The following CSMD2 variants were observed in gnomAD, a reference collection of about 807,000 sequenced individuals.
The protein encoded by CSMD2 is CUB and Sushi multiple domains 2.
In CSMD2, 130 loss-of-function variants were observed where a neutral mutation model predicts 398.5. The observed-to-expected ratio is 0.33, with a 90% CI of 0.28 to 0.38. The LOEUF is 0.38. Among genes scored for constraint, CSMD2 ranks in the 10% least tolerant of loss-of-function variants. The probability of loss-of-function intolerance (pLI) is 1.00; values close to 1 mark genes in which losing one functional copy is unlikely to be tolerated. For synonymous variants in CSMD2, 1,828 were observed against 1,908.5 expected (o/e 0.96, Z 1.10); for missense variants, 3,829 against 4,764.9 (o/e 0.80, Z 5.78).
At position 33,907,412 on chromosome 1, in the gene CSMD2, C is replaced by G. The variant is rs1570464398; in HGVS notation, c.920+10682G>C. Among the ~76,000 whole-genome samples, 2 of 152,006 alleles carry G rather than the reference C, an allele frequency of 1.3e-5. 1 individual carries two copies. Among genetic ancestry groups the G allele is most frequent in the East Asian group, 3.9e-4 (2 of 5,162 alleles). On this transcript the variant is annotated intron_variant, in intron 5 of 70. Transcript: ENST00000373381. ...AAGGTGCTGGGATTACAGGTGAGAG[C>G]CACCACACCCGGCCCTTTGATCATC...
Position 34,164,855 on chromosome 1 carries a change from C to T in CSMD2, c.187+56G>A, listed in dbSNP as rs1208526326. The T allele has an allele frequency of 3.4e-5, 32 of 933,950 alleles. No individual in the cohort carries two copies. Among genetic ancestry groups the T allele is most frequent in the Non-Finnish European group, 3.9e-5 (31 of 797,150 alleles). 57.9% of individuals were successfully genotyped at this position (933,950 alleles called of 1,614,324 possible). The stretch of plus-strand genomic sequence containing the variant: ...GGACCGGGTCGAGGATGGGTGGGCT[C>T]GGGGCTCGGGTGGGGCGCGCGGCGG... On this transcript the variant is annotated intron_variant, in intron 1 of 70. Coordinates refer to ENST00000373381, the MANE Select transcript of CSMD2 (RefSeq NM_001281956.2). The surrounding 1 kb of genome is among the most constrained non-coding windows in gnomAD (Gnocchi z 6.2).
At chr1:33,850,227 GCA>G (rs142730464) in intron 5 of CSMD2, among the ~76,000 whole-genome samples, 15 of 149,542 alleles carry the variant, frequency 1.0e-4, no homozygotes, top group South Asian at 2.1e-4. Context: ...GAGTGTGCAC[GCA>G]CACACACACA....
rs189197979 is a variant in CSMD2 at position 33,856,180 on chromosome 1, G to C, written c.921-9184C>G. On this transcript the variant is annotated intron_variant, in intron 5 of 70. Transcript: ENST00000373381. Reference sequence around the variant, plus strand: ...CCCCTGCCTTGCTGGGGTTTGAGAAGAGGTGGTGGGATCTTACCAATGCCT... The same window carrying C: ...CCCCTGCCTTGCTGGGGTTTGAGAACAGGTGGTGGGATCTTACCAATGCCT... Among the ~76,000 whole-genome samples, 8 of 152,320 alleles carry C rather than the reference G, an allele frequency of 5.3e-5. No homozygotes were observed. The East Asian group carries it at 1.5e-3, about 29-fold the overall frequency.
chr1:33,834,186 T>C (rs1167599278), intron 6 of CSMD2, among the ~76,000 whole-genome samples: 1 of 101,568 alleles, frequency 9.8e-6, no homozygotes, highest in Non-Finnish European at 1.8e-5. Context: ...AGAGCCCGCA[T>C]CGCCAAATCA....
At chr1:33,890,627 G>A (rs1641942781) in intron 5 of CSMD2, among the ~76,000 whole-genome samples, 1 of 151,828 alleles carries the variant, frequency 6.6e-6, no homozygotes, top group Admixed American at 6.6e-5. Flanking sequence ...GAGGCATCAT[G>A]CTACCTGACT....
At chr1:33,969,209 C>G (rs901063264) in intron 3 of CSMD2, among the ~76,000 whole-genome samples, 7 of 152,232 alleles carry the variant, frequency 4.6e-5, no homozygotes, top group African/African-American at 1.7e-4. Flanking sequence ...TTAAGCATAA[C>G]ATACACAACC....
Position 33,576,804 on chromosome 1 carries a change from GTT to G in CSMD2, c.7576+490_7576+491del, listed in dbSNP as rs369948744. On this transcript the variant is annotated intron_variant, in intron 49 of 70. Coordinates refer to ENST00000373381, the MANE Select transcript of CSMD2 (RefSeq NM_001281956.2). Reference sequence around the variant, plus strand: ...CTTTTTTTCTTTTGCATTATCTACCGTTTTTTTTTTTCTTCTTCAGATTTTTA... The same window carrying G: ...CTTTTTTTCTTTTGCATTATCTACCGTTTTTTTTTCTTCTTCAGATTTTTA... Among the ~76,000 whole-genome samples the G allele has an allele frequency of 2.7e-3, 395 of 144,504 alleles. 1 individual carries two copies. Among genetic ancestry groups the G allele is most frequent in the Middle Eastern group, 0.011 (3 of 266 alleles). 94.8% of individuals were successfully genotyped at this position (144,504 alleles called of 152,430 possible).
intron 3 of CSMD2, among the ~76,000 whole-genome samples, chr1:33,949,727 A>G (rs1644945536): frequency 6.6e-6 from 1 of 152,154 alleles, no homozygotes. Flanking sequence ...TGTTCCAGAG[A>G]CAAGAAGTGG....
intron 9 of CSMD2, among the ~76,000 whole-genome samples, chr1:33,818,874 C>T (rs976669423): frequency 1.3e-5 from 2 of 152,178 alleles, no homozygotes; most frequent in African/African-American, 2.4e-5. Flanking sequence ...TGAATTTTAT[C>T]TTGATGCATA....
rs1557546978 is a variant in CSMD2 at position 33,567,607 on chromosome 1, G to A, written c.8366C>T (p.Thr2789Ile). ...GACATACTTACGCACACAGAAAGGGGTCTTGCCCGACCAGTGATGATCCTG... is the reference window on the plus strand; with the variant it reads ...GACATACTTACGCACACAGAAAGGGATCTTGCCCGACCAGTGATGATCCTG... ...CQQDHHWSGK[T>I]PFCVPITCGH... Residue 2789 changes from threonine to isoleucine, a missense_variant, in exon 53 of 71, where the codon ACC (threonine) becomes ATC (isoleucine). By Grantham distance (89) the Thr-to-Ile change is moderately conservative (BLOSUM62 -1). Around this residue, in one of 5 missense-constraint regions of CSMD2, gnomAD observed 917 missense variants for 1,199.5 expected, o/e 0.76. Transcript: ENST00000373381. 3 of 1,614,128 alleles carry A rather than the reference G, an allele frequency of 1.9e-6. No individual in the cohort carries two copies. Among genetic ancestry groups the A allele is most frequent in the African/African-American group, 1.3e-5 (1 of 75,038 alleles).
intron 13 of CSMD2, among the ~76,000 whole-genome samples, chr1:33,755,723 T>C (rs1010153214): frequency 6.6e-6 from 1 of 152,220 alleles, no homozygotes; most frequent in Non-Finnish European, 1.5e-5. Flanking sequence ...TAGCTCACTG[T>C]AGTCCTGAAC....
At position 33,516,183 on chromosome 1, in the gene CSMD2, T is replaced by C. The variant is rs1313411518; in HGVS notation, c.*441A>G. 1.3e-5 allele frequency: 2 copies of C among 152,236 alleles called. No individual in the cohort carries two copies. Among genetic ancestry groups the C allele is most frequent in the African/African-American group, 4.8e-5 (2 of 41,430 alleles). 9.4% of individuals were successfully genotyped at this position (152,236 alleles called of 1,614,324 possible). On this transcript the variant is annotated 3_prime_UTR_variant, in exon 71 of 71. Coordinates refer to ENST00000373381, the MANE Select transcript of CSMD2 (RefSeq NM_001281956.2). Reference sequence around the variant, plus strand: ...TGAAAGCTGACCGTACCTCCCCCTCTTCATCTCTTCTCTGTGTGGGGAACA... The same window carrying C: ...TGAAAGCTGACCGTACCTCCCCCTCCTCATCTCTTCTCTGTGTGGGGAACA...
chr1:33,886,241 C>T (rs964932121), intron 5 of CSMD2, among the ~76,000 whole-genome samples: 1 of 152,096 alleles, frequency 6.6e-6, no homozygotes, highest in Admixed American at 6.6e-5. Flanking sequence ...ACAGCACAGC[C>T]AGATTTGGTT....
intron 1 of CSMD2, among the ~76,000 whole-genome samples, chr1:34,108,980 A>C (rs1373966315): frequency 1.3e-5 from 2 of 152,198 alleles, no homozygotes; most frequent in African/African-American, 2.4e-5. Context: ...CATGAGGGCC[A>C]GCATCAAGGA....
At chr1:34,103,761 A>AACAC (rs145354161) in intron 1 of CSMD2, among the ~76,000 whole-genome samples, 57,344 of 151,482 alleles carry the variant, frequency 0.38, 11,448 homozygotes, top group Middle Eastern at 0.42. Flanking sequence ...AATGATGGCA[A>AACAC]ACACACACAC....
chr1:34,000,870 T>C (rs1646879293), intron 3 of CSMD2, among the ~76,000 whole-genome samples: 1 of 150,598 alleles, frequency 6.6e-6, no homozygotes, highest in Non-Finnish European at 1.5e-5. Context: ...AAAGATGAGC[T>C]GGGAAAGAAA....
Position 33,676,874 on chromosome 1 carries a change from TAATA to T in CSMD2, c.4053-13786_4053-13783del, listed in dbSNP as rs377269664. ...AGCAATGGGGAAAGGATTCCCTATT[TAATA>T]AATGGTGCTGGGAAAACTGGCTAGC... On this transcript the variant is annotated intron_variant, in intron 25 of 70. Transcript: ENST00000373381. 6.8e-3 allele frequency among the ~76,000 whole-genome samples: 1,031 copies of T among 152,308 alleles called. 23 individuals carry two copies. Among genetic ancestry groups the T allele is most frequent in the Admixed American group, 0.05 (758 of 15,298 alleles).
intron 2 of CSMD2, among the ~76,000 whole-genome samples, chr1:34,063,050 T>A (rs992899436): frequency 1.3e-5 from 2 of 152,044 alleles, no homozygotes; most frequent in East Asian, 1.9e-4. Context: ...TCAGATCTCA[T>A]GAGACTTATT....
chr1:33,601,208 G>T (rs1443620806), intron 43 of CSMD2, among the ~76,000 whole-genome samples, 198 bp from the exon 44 acceptor site: 1 of 152,078 alleles, frequency 6.6e-6, no homozygotes, highest in African/African-American at 2.4e-5. Flanking sequence ...GATAGAATTG[G>T]TGAAGCTCAC....
Sources: gnomAD v4.1 joint callset for allele counts (sites outside exome capture counted in the v4.1 genomes callset) on GRCh38, gnomAD v4.1.1 for gene constraint, gnomAD v4.1.1 regional missense constraint, Gnocchi (gnomAD v3.1) non-coding constraint, MANE v1.5 for transcripts, NCBI Gene and HGNC (gene_info 2026-07-23, HGNC 2026-07-21) for gene names.